CDKL3: variants seen among roughly 807,000 people sequenced by gnomAD.
CDKL3 encodes cyclin dependent kinase like 3.
In CDKL3, 65 loss-of-function variants were observed where a neutral mutation model predicts 69.3. That is an observed-to-expected ratio of 0.94 (90% CI 0.77 to 1.15). The LOEUF (loss-of-function observed/expected upper bound fraction) is 1.15. Among genes scored for constraint, CDKL3 ranks in the 50% most tolerant of loss-of-function variants. The probability of loss-of-function intolerance (pLI) is 0.00; values close to 1 mark genes in which losing one functional copy is unlikely to be tolerated. For synonymous variants in CDKL3, 202 were observed against 221.6 expected (o/e 0.91, Z 0.79); for missense variants, 652 against 689.2 (o/e 0.95, Z 0.61).
At chr5:134,348,403 CTG>C (rs1249842673) in intron 4 of CDKL3, among the ~76,000 whole-genome samples, 1 of 152,052 alleles carries the variant, frequency 6.6e-6, no homozygotes, top group Non-Finnish European at 1.5e-5. Flanking sequence ...TATTCTGTGT[CTG>C]TGTTTTCTTT....
chr5:134,355,388 G>C (rs1021014546), intron 3 of CDKL3, among the ~76,000 whole-genome samples: 1 of 152,084 alleles, frequency 6.6e-6, no homozygotes, highest in Non-Finnish European at 1.5e-5. Flanking sequence ...AACTTGAATG[G>C]AGACATCCCT....
At chr5:134,310,342 C>T (rs1425156608) in intron 7 of CDKL3, among the ~76,000 whole-genome samples, 2 of 152,020 alleles carry the variant, frequency 1.3e-5, no homozygotes, top group African/African-American at 4.8e-5. Flanking sequence ...CCCGCCACCA[C>T]ACCCAACTAA....
chr5:134,367,850 G>T (rs1050967682), upstream of CDKL3, among the ~76,000 whole-genome samples: 5 of 152,210 alleles, frequency 3.3e-5, no homozygotes, highest in Admixed American at 3.3e-4. Context: ...CAAGAGCACG[G>T]AAATAAAGAG....
At chr5:134,344,389 A>T (rs1458934125) in intron 4 of CDKL3, among the ~76,000 whole-genome samples, 3 of 152,242 alleles carry the variant, frequency 2.0e-5, no homozygotes, top group Non-Finnish European at 4.4e-5. Context: ...CTTGTAAATC[A>T]CATATCTGAT....
chr5:134,326,827 A>ATATGTGTG (rs1554090769), intron 4 of CDKL3, among the ~76,000 whole-genome samples: 4 of 103,122 alleles, frequency 3.9e-5, no homozygotes, highest in African/African-American at 2.2e-4. Flanking sequence ...GTATATATAT[A>ATATGTGTG]TATATATATA....
chr5:134,363,975 AAAAG>A (rs1366970752), intron 2 of CDKL3, among the ~76,000 whole-genome samples: 6 of 148,766 alleles, frequency 4.0e-5, no homozygotes, highest in Admixed American at 2.0e-4. Flanking sequence ...AAAAAAAAAA[AAAAG>A]AGAGAGAAAG....
intron 4 of CDKL3, among the ~76,000 whole-genome samples, chr5:134,335,412 T>C (rs896122933): frequency 6.6e-6 from 1 of 152,234 alleles, no homozygotes; most frequent in African/African-American, 2.4e-5. Flanking sequence ...AGTTTCTTCA[T>C]AGCGTCGATG....
intron 4 of CDKL3, among the ~76,000 whole-genome samples, chr5:134,340,883 C>A (rs1750312928): frequency 6.6e-6 from 1 of 152,016 alleles, no homozygotes; most frequent in South Asian, 2.1e-4. Flanking sequence ...GATACCCAAA[C>A]CAGTAAAAAA....
chr5:134,350,841 AAAAGAAAAAAAG>A (rs1231310755), intron 3 of CDKL3, among the ~76,000 whole-genome samples: 4 of 150,234 alleles, frequency 2.7e-5, no homozygotes, highest in Admixed American at 2.0e-4. Context: ...GAAAAAAAAA[AAAAGAAAAAAAG>A]AAAGAAAAAA....
chr5:134,285,532 T>C (rs1764825931), downstream of CDKL3, among the ~76,000 whole-genome samples: 1 of 152,180 alleles, frequency 6.6e-6, no homozygotes, highest in Admixed American at 6.5e-5. Context: ...GCACACAGCA[T>C]GGGGACCCTG....
intron 4 of CDKL3, among the ~76,000 whole-genome samples, chr5:134,341,674 T>C: frequency 6.6e-6 from 1 of 152,242 alleles, no homozygotes; most frequent in African/African-American, 2.4e-5. Flanking sequence ...ATGCCAGCAG[T>C]TGTGCCAACA....
chr5:134,329,838 T>A (rs975740571), intron 4 of CDKL3, among the ~76,000 whole-genome samples: 1 of 151,794 alleles, frequency 6.6e-6, no homozygotes, highest in African/African-American at 2.4e-5. Context: ...AAGATAAAAA[T>A]TAAAATATAA....
At position 134,350,352 on chromosome 5, in the gene CDKL3, A is replaced by G. The variant is rs1484219514; in HGVS notation, c.436T>C (p.Phe146Leu). The G allele has an allele frequency of 2.5e-6, 4 of 1,588,258 alleles. No homozygotes were observed. Among genetic ancestry groups the G allele is most frequent in the Non-Finnish European group, 8.6e-7 (1 of 1,166,770 alleles). Residue 146 changes from phenylalanine (F) to leucine (L), a missense_variant, in exon 4 of 13, where the codon TTT (phenylalanine) becomes CTT (leucine). Physicochemically the swap from Phe to Leu is conservative, Grantham distance 22. Coordinates refer to ENST00000265334, the MANE Select transcript of CDKL3 (RefSeq NM_001113575.2). ...SGITKLCDFG[F>L]ARTLAAPGDI... ...CCAGGAGCTGCTAGTGTTCGTGCAA[A>G]ACCAAAATCACAGAGCTTAGTAATT...
chr5:134,301,800 T>C (rs1354038559), intron 12 of CDKL3, among the ~76,000 whole-genome samples: 1 of 152,000 alleles, frequency 6.6e-6, no homozygotes, highest in Admixed American at 6.6e-5. Context: ...GGCAGGAGAA[T>C]TGCTTGAACC....
At chr5:134,316,814 A>G (rs1771210900) in intron 6 of CDKL3, among the ~76,000 whole-genome samples, 1 of 152,190 alleles carries the variant, frequency 6.6e-6, no homozygotes, top group African/African-American at 2.4e-5. Context: ...AACAGGTTAC[A>G]TAGCAATGTG....
chr5:134,309,632 A>G (rs948482710), intron 7 of CDKL3, among the ~76,000 whole-genome samples: 1 of 152,180 alleles, frequency 6.6e-6, no homozygotes, highest in African/African-American at 2.4e-5. Flanking sequence ...TGAAGCAGCT[A>G]CAGCTATCAG....
upstream of CDKL3, among the ~76,000 whole-genome samples, chr5:134,368,282 C>T (rs915326645): frequency 1.3e-5 from 2 of 152,194 alleles, no homozygotes; most frequent in Non-Finnish European, 1.5e-5. Context: ...AAGTGGTCAT[C>T]GTTTTCATTG....
chr5:134,301,646 C>T (rs986414135), intron 12 of CDKL3, among the ~76,000 whole-genome samples: 2 of 152,042 alleles, frequency 1.3e-5, no homozygotes, highest in Non-Finnish European at 2.9e-5. Context: ...CTTTGGGAGG[C>T]CCAGGCGGGT....
At chr5:134,289,091 A>G (rs1765004712) in intron 8 of CDKL3, among the ~76,000 whole-genome samples, 1 of 148,400 alleles carries the variant, frequency 6.7e-6, no homozygotes, top group Non-Finnish European at 1.5e-5. Context: ...GAGCCCAGGA[A>G]TTTGAGGCTG....
Sources: gnomAD v4.1 joint callset for allele counts (sites outside exome capture counted in the v4.1 genomes callset) on GRCh38, gnomAD v4.1.1 for gene constraint, MANE v1.5 for transcripts, NCBI Gene and HGNC (gene_info 2026-07-23, HGNC 2026-07-21) for gene names.